The following ADGRL2 variants were observed in gnomAD, a reference collection of about 807,000 sequenced individuals.
ADGRL2 encodes calcium-independent alpha-latrotoxin receptor 2.
In ADGRL2, 44 loss-of-function variants were observed where a neutral mutation model predicts 157.4. The observed-to-expected ratio is 0.28, with a 90% CI of 0.22 to 0.36. The LOEUF is 0.36. Among genes scored for constraint, ADGRL2 ranks in the 10% least tolerant of loss-of-function variants. The probability of loss-of-function intolerance (pLI) is 1.00; values close to 1 mark genes in which losing one functional copy is unlikely to be tolerated. For missense variants in ADGRL2, 1,510 were observed against 1,768.9 expected (o/e 0.85, Z 2.63); for synonymous variants, 585 against 624.7 (o/e 0.94, Z 0.95).
rs145559919 is a variant in ADGRL2, at chr1:81,710,009, C to T, written c.-143+10201C>T. Among the ~76,000 whole-genome samples, 456 of 152,272 alleles carry T rather than the reference C, an allele frequency of 3.0e-3. 1 individual carries two copies. Among genetic ancestry groups the T allele is most frequent in the African/African-American group, 0.01 (419 of 41,558 alleles). ...TAATCATGGCTGAACAACTAATCAC[C>T]TGTGGTGTGTCTCCTTATCTGTTTT... On this transcript the variant is annotated intron_variant, in intron 1 of 20. Coordinates refer to the ADGRL2 transcript ENST00000359929.
chr1:81,902,971 A>C (rs2094515303), intron 2 of ADGRL2, among the ~76,000 whole-genome samples: 1 of 152,226 alleles, frequency 6.6e-6, no homozygotes, highest in African/African-American at 2.4e-5. Flanking sequence ...TTAAGAAAAC[A>C]GAGCAAGTTG....
At chr1:81,480,071 C>T (rs1230594139) in intron 2 of ADGRL2, among the ~76,000 whole-genome samples, 1 of 152,090 alleles carries the variant, frequency 6.6e-6, no homozygotes, top group African/African-American at 2.4e-5. Context: ...AGAGGGAGGT[C>T]TCAAGCCTAG....
At chr1:81,524,790 A>G (rs1477153669) in intron 2 of ADGRL2, among the ~76,000 whole-genome samples, 2 of 152,208 alleles carry the variant, frequency 1.3e-5, no homozygotes, top group Non-Finnish European at 2.9e-5. Flanking sequence ...TAGCTACTGG[A>G]GAGGGTCAGG....
rs149319377 is a variant in ADGRL2, at chr1:81,320,791, C to T, written c.-302+14282C>T. On this transcript the variant is annotated intron_variant, in intron 1 of 24. Transcript: ENST00000370721. ...GACAGAGTAGATTTAGCATAATTCTCGAGTAGATTTAGCATAATTCTTAAG... is the reference window on the plus strand; with the variant it reads ...GACAGAGTAGATTTAGCATAATTCTTGAGTAGATTTAGCATAATTCTTAAG... 1.3e-3 allele frequency among the ~76,000 whole-genome samples: 197 copies of T among 152,190 alleles called. 1 individual carries two copies. Among genetic ancestry groups the T allele is most frequent in the East Asian group, 2.7e-3 (14 of 5,170 alleles).
chr1:81,978,077 TA>T (rs551181143), intron 17 of ADGRL2, among the ~76,000 whole-genome samples: 57 of 147,572 alleles, frequency 3.9e-4, no homozygotes, highest in Middle Eastern at 6.8e-3. Context: ...TGCATAAAAT[TA>T]AAAAAAAAAC....
intron 1 of ADGRL2, among the ~76,000 whole-genome samples, chr1:81,363,586 A>G (rs969789549): frequency 6.6e-6 from 1 of 152,130 alleles, no homozygotes; most frequent in Non-Finnish European, 1.5e-5. Context: ...TAAATGACAA[A>G]TGTCCTCCAC....
intron 6 of ADGRL2, 82 bp from the exon 7 acceptor site, chr1:81,950,107 C>A: frequency 9.1e-7 from 1 of 1,101,004 alleles, no homozygotes; most frequent in Non-Finnish European, 1.4e-6. Context: ...TGTGTGTGTG[C>A]ATGCACACAT....
chr1:81,970,224 G>A (rs1267122174), intron 15 of ADGRL2, 90 bp from the exon 16 acceptor site: 1 of 847,972 alleles, frequency 1.2e-6, no homozygotes, highest in Non-Finnish European at 2.0e-6. Flanking sequence ...AAATAATAGT[G>A]ATTTCTCTTA....
At chr1:81,697,223 G>T (rs886078322), upstream of ADGRL2, among the ~76,000 whole-genome samples, 2 of 152,066 alleles carry the variant, frequency 1.3e-5, no homozygotes, top group South Asian at 4.2e-4. Flanking sequence ...TTTGAAAGTT[G>T]CATAAGCTTC....
At chr1:81,902,910 A>G (rs1572019876) in intron 2 of ADGRL2, among the ~76,000 whole-genome samples, 1 of 152,214 alleles carries the variant, frequency 6.6e-6, no homozygotes, top group South Asian at 2.1e-4. Context: ...CTCACAATCT[A>G]TATGGATGTG....
At chr1:81,752,938 CATTGCTATAATACAACT>C (rs2085537185) in intron 1 of ADGRL2, among the ~76,000 whole-genome samples, 1 of 152,090 alleles carries the variant, frequency 6.6e-6, no homozygotes, top group Admixed American at 6.6e-5. Context: ...ATATTACTTA[CATTGCTATAATACAACT>C]ATTTTAAAAG....
intron 2 of ADGRL2, among the ~76,000 whole-genome samples, chr1:81,781,452 T>C (rs2086809037): frequency 6.6e-6 from 1 of 152,050 alleles, no homozygotes; most frequent in Non-Finnish European, 1.5e-5. Flanking sequence ...AAAAAAAAGG[T>C]TGAAATGAGA....
intron 3 of ADGRL2, among the ~76,000 whole-genome samples, chr1:81,928,729 C>T (rs1231141622): frequency 1.3e-5 from 2 of 152,148 alleles, no homozygotes; most frequent in African/African-American, 4.8e-5. Context: ...TTAGCATATA[C>T]AATTCACCTA....
chr1:81,322,113 C>CATATATATATATATATATATATATATAT (rs1345847160), intron 1 of ADGRL2, among the ~76,000 whole-genome samples: 2 of 112,126 alleles, frequency 1.8e-5, no homozygotes, highest in Non-Finnish European at 3.7e-5. Flanking sequence ...TATATATACA[C>CATATATATATATATATATATATATATAT]ATATATATAT....
At chr1:81,621,707 G>C (rs747556313) in intron 3 of ADGRL2, among the ~76,000 whole-genome samples, 1 of 152,194 alleles carries the variant, frequency 6.6e-6, no homozygotes, top group Non-Finnish European at 1.5e-5. Flanking sequence ...AAGAGGACTT[G>C]TCTAAACTAT....
intron 1 of ADGRL2, among the ~76,000 whole-genome samples, chr1:81,827,912 C>CTTA (rs957465967): frequency 2.0e-5 from 3 of 152,270 alleles, no homozygotes; most frequent in East Asian, 1.9e-4. Flanking sequence ...CTTTGTTTTT[C>CTTA]TTATTCTAGT....
chr1:81,570,827 T>G (rs2080671921), intron 2 of ADGRL2, among the ~76,000 whole-genome samples: 1 of 152,176 alleles, frequency 6.6e-6, no homozygotes, highest in African/African-American at 2.4e-5. Flanking sequence ...AATTACCATT[T>G]TGCTCTAGTA....
chr1:81,906,272 T>C (rs1295967083), intron 2 of ADGRL2, among the ~76,000 whole-genome samples: 2 of 152,210 alleles, frequency 1.3e-5, no homozygotes, highest in African/African-American at 4.8e-5. Flanking sequence ...TCTGAAGAAC[T>C]GAGAGTTCAG....
intron 3 of ADGRL2, among the ~76,000 whole-genome samples, chr1:81,582,659 G>A (rs1397784433): frequency 6.6e-6 from 1 of 152,016 alleles, no homozygotes; most frequent in Non-Finnish European, 1.5e-5. Flanking sequence ...AATTTTAAAG[G>A]TTACAGAATA....
Sources: gnomAD v4.1 joint callset for allele counts (sites outside exome capture counted in the v4.1 genomes callset) on GRCh38, gnomAD v4.1.1 for gene constraint, MANE v1.5 for transcripts, NCBI Gene and HGNC (gene_info 2026-07-23, HGNC 2026-07-21) for gene names.